The following CFAP74 variants were observed in gnomAD, a reference collection of about 807,000 sequenced individuals.
CFAP74 encodes cilia and flagella associated protein 74.
Under a neutral mutation model 188.9 loss-of-function variants are expected in CFAP74, and 124 were observed. The observed-to-expected ratio is 0.66, with a 90% CI of 0.57 to 0.76. The LOEUF is 0.76. CFAP74 is among the 30% of genes least tolerant of loss of function. CFAP74 has a pLI of 0.00. For synonymous variants in CFAP74, 956 were observed against 916.7 expected (o/e 1.04, Z -0.77); for missense variants, 2,198 against 2,165.2 (o/e 1.02, Z -0.30).
chr1:1,977,314 C>G lies in CFAP74; in HGVS notation c.501-3116G>C, dbSNP rs532320310. 2.6e-5 allele frequency among the ~76,000 whole-genome samples: 4 copies of G among 152,292 alleles called. No individual in the cohort carries two copies. The East Asian group carries it at 7.7e-4, about 29-fold the overall frequency. ...GGGATTTTGAGAATGGGAGGGAGGA[C>G]ATTTGAGGGTATCTGCACACATCTG... On this transcript the variant is annotated intron_variant, in intron 6 of 38. Transcript: ENST00000682832.
chr1:1,980,436 G>A (rs1258950762), intron 6 of CFAP74, among the ~76,000 whole-genome samples: 1 of 144,380 alleles, frequency 6.9e-6, no homozygotes, highest in Admixed American at 6.8e-5. Flanking sequence ...CTTACCGTGT[G>A]GGGAGGACGG....
In CFAP74 at chr1:1,973,065, C is replaced by G. The variant is rs187032860; in HGVS notation, c.675-18G>C. 6.3e-7 allele frequency: 1 copy of G among 1,584,572 alleles called. No homozygotes were observed. The highest frequency in any genetic ancestry group is 8.7e-7 in the Non-Finnish European group (1 of 1,155,294). On this transcript the variant is annotated intron_variant, in intron 7 of 38. Transcript: ENST00000682832. The surrounding 1 kb of genome is among the most constrained non-coding windows in gnomAD (Gnocchi z 6.2). ...GGGACTTCCTGTGGGGATATGGGGC[C>G]GTCAGAGGGAAACTCGGCATCACAC...
chr1:1,948,056 AGAGACGGG>A (rs1433837588), intron 18 of CFAP74, among the ~76,000 whole-genome samples: 1 of 152,074 alleles, frequency 6.6e-6, no homozygotes, highest in African/African-American at 2.4e-5. Context: ...TATTTTTAGT[AGAGACGGG>A]GTTTCACCAT....
chr1:1,957,525 G>A (rs532430046), intron 16 of CFAP74, among the ~76,000 whole-genome samples: 3 of 152,226 alleles, frequency 2.0e-5, no homozygotes, highest in African/African-American at 4.8e-5. Context: ...CAGCCTGGAC[G>A]CTCCCCTGGG....
At chr1:1,992,877 T>C (rs370282698) in intron 1 of CFAP74, among the ~76,000 whole-genome samples, 178 of 152,248 alleles carry the variant, frequency 1.2e-3, no homozygotes, top group African/African-American at 4.0e-3. Flanking sequence ...CCGAATCTTC[T>C]GTGTCCAGAT....
intron 10 of CFAP74, among the ~76,000 whole-genome samples, chr1:1,969,758 A>C (rs1197122334): frequency 6.6e-6 from 1 of 152,152 alleles, no homozygotes; most frequent in Admixed American, 6.5e-5. Context: ...ATCGTGACTC[A>C]GGGGGGTGGG....
chr1:1,974,444 G>A (rs1424006105), intron 6 of CFAP74, among the ~76,000 whole-genome samples: 2 of 152,282 alleles, frequency 1.3e-5, no homozygotes, highest in South Asian at 4.1e-4. Flanking sequence ...CTGCACTCCC[G>A]CGTGCCACCT....
intron 25 of CFAP74, among the ~76,000 whole-genome samples, chr1:1,937,174 C>T (rs573467692): frequency 6.6e-6 from 1 of 152,326 alleles, no homozygotes; most frequent in African/African-American, 2.4e-5. Flanking sequence ...ACGGATGGAA[C>T]GTGCAAAGCA....
rs1655634559 is a variant in CFAP74, at chr1:1,968,449, G to A, written c.1245+186C>T. On this transcript the variant is annotated intron_variant, in intron 11 of 38. Coordinates refer to ENST00000682832, the MANE Select transcript of CFAP74 (RefSeq NM_001304360.2). This position sits in a 1 kb window ranked among gnomAD's most constrained non-coding sequence, Gnocchi z 4.3. ...GCCATGGGCCTCTCTCATGTGGTGG[G>A]TCCGTAGTGTGTCTTGTCCCCTTGT... is the stretch of plus-strand genomic sequence containing the variant. 6.6e-6 allele frequency among the ~76,000 whole-genome samples: 1 copy of A among 151,906 alleles called. No homozygotes were observed. Among genetic ancestry groups the A allele is most frequent in the Admixed American group, 6.5e-5 (1 of 15,276 alleles).
intron 6 of CFAP74, among the ~76,000 whole-genome samples, chr1:1,980,844 G>A (rs1656795063): frequency 6.6e-6 from 1 of 152,174 alleles, no homozygotes; most frequent in Admixed American, 6.5e-5. Flanking sequence ...CTCAGAAACC[G>A]AGACCCTCAG....
chr1:1,928,971 G>C, intron 26 of CFAP74, 89 bp from the exon 27 acceptor site: 1 of 836,386 alleles, frequency 1.2e-6, no homozygotes, highest in Non-Finnish European at 1.9e-6. Flanking sequence ...CTCTGCCCGT[G>C]GACTCCCCTC....
intron 18 of CFAP74, among the ~76,000 whole-genome samples, chr1:1,952,444 A>T (rs562538471): frequency 6.6e-6 from 1 of 152,292 alleles, no homozygotes; most frequent in East Asian, 1.9e-4. Context: ...CAATCATCAC[A>T]ACACATTTAA....
chr1:1,989,805 A>G (rs1657467348), intron 2 of CFAP74, among the ~76,000 whole-genome samples: 1 of 152,138 alleles, frequency 6.6e-6, no homozygotes, highest in Non-Finnish European at 1.5e-5. Context: ...GTGGTACCAC[A>G]CCCGGCCAGT....
chr1:1,955,923 C>A, intron 17 of CFAP74, 73 bp from the exon 18 acceptor site: 1 of 1,531,796 alleles, frequency 6.5e-7, no homozygotes, highest in Admixed American at 1.9e-5. Flanking sequence ...CCGGAACTCC[C>A]ATGAGGACAG....
At position 1,923,545 on chromosome 1, in the gene CFAP74, A is replaced by G; in HGVS notation, c.4390-46T>C. 2 of 1,590,076 alleles carry G rather than the reference A, an allele frequency of 1.3e-6. No individual in the cohort carries two copies. The highest frequency in any genetic ancestry group is 1.7e-6 in the Non-Finnish European group (2 of 1,164,284). ...GGCCTTGTCCCCGAAGCTCGGCGGC[A>G]GGGGTCCTGCTGGTGAGAGCTGGGC... is the stretch of plus-strand genomic sequence containing the variant. On this transcript the variant is annotated intron_variant, in intron 35 of 38. Coordinates refer to ENST00000682832, the MANE Select transcript of CFAP74 (RefSeq NM_001304360.2). This position sits in a 1 kb window ranked among gnomAD's most constrained non-coding sequence, Gnocchi z 6.3.
intron 1 of CFAP74, among the ~76,000 whole-genome samples, chr1:1,991,569 C>G (rs1657566389): frequency 6.6e-6 from 1 of 152,020 alleles, no homozygotes; most frequent in Admixed American, 6.6e-5. Context: ...TGCCACTGCA[C>G]TCCAGCCTGG....
chr1:1,924,634 C>T (rs997141677), intron 33 of CFAP74, 114 bp from the exon 34 acceptor site: 53 of 1,248,464 alleles, frequency 4.2e-5, no homozygotes, highest in South Asian at 1.6e-4. Flanking sequence ...AGTGGGGACC[C>T]GGGTGGCCTG....
chr1:1,929,832 C>T (rs1397764143), intron 26 of CFAP74, among the ~76,000 whole-genome samples: 2 of 152,060 alleles, frequency 1.3e-5, no homozygotes, highest in Middle Eastern at 3.2e-3. Context: ...TCAGGCTGGA[C>T]CAAGGGCACT....
Position 1,955,372 on chromosome 1 carries a change from A to G in CFAP74, c.2176+319T>C, listed in dbSNP as rs1014900540. 17 of 1,356,638 alleles carry G rather than the reference A, an allele frequency of 1.3e-5. No individual in the cohort carries two copies. In the East Asian group the frequency reaches 1.3e-4, roughly 10 times the overall value. The allele number at this position is 1,356,638 out of a possible 1,614,324, so 84.0% of individuals were successfully genotyped here. ...GCAGAGCTAGACAGAAGCCCCCCGC[A>G]GCCCGGCCCCTCCAGGGGGCACCGC... On this transcript the variant is annotated intron_variant, in intron 18 of 38. Transcript: ENST00000682832.
Sources: gnomAD v4.1 joint callset for allele counts (sites outside exome capture counted in the v4.1 genomes callset) on GRCh38, gnomAD v4.1.1 for gene constraint, Gnocchi (gnomAD v3.1) non-coding constraint, MANE v1.5 for transcripts, NCBI Gene and HGNC (gene_info 2026-07-23, HGNC 2026-07-21) for gene names.